Variants in RALGPS2 observed in about 807,000 individuals in gnomAD.
RALGPS2 encodes the protein Ral GEF with PH domain and SH3 binding motif 2.
RALGPS2 carries 43 observed loss-of-function variants against 86.8 expected under a neutral mutation model. That is an observed-to-expected ratio of 0.50 (90% confidence interval 0.39 to 0.64). The LOEUF (loss-of-function observed/expected upper bound fraction) is 0.64. Among genes scored for constraint, RALGPS2 ranks in the 30% least tolerant of loss-of-function variants. The pLI, the probability that RALGPS2 is intolerant of heterozygous loss-of-function variation, is 0.00. For missense variants in RALGPS2, 536 were observed against 694.6 expected (o/e 0.77, Z 2.57); for synonymous variants, 243 against 231.3 (o/e 1.05, Z -0.46).
At chr1:178,811,956 A>G (rs1655005683) in intron 6 of RALGPS2, among the ~76,000 whole-genome samples, 2 of 152,206 alleles carry the variant, frequency 1.3e-5, no homozygotes, top group Admixed American at 1.3e-4. Flanking sequence ...AAAGGATACC[A>G]AGATTTTATT....
In RALGPS2 at chr1:178,886,106, G is replaced by T; in HGVS notation, c.1178G>T (p.Ser393Ile). The T allele has an allele frequency of 6.2e-7, 1 of 1,611,746 alleles. No individual in the cohort carries two copies. The highest frequency in any genetic ancestry group is 8.5e-7 in the Non-Finnish European group (1 of 1,179,394). ...RGQAESSTLS[S>I]GISIGSSDGS... ...CAAGCTGAAAGTTCTACTCTTTCTA[G>T]TGGAATATCAATAGGTGAGAAATAC... The change falls in exon 13 of 20, where the codon AGT becomes ATT. Residue 393 changes from serine (S) to isoleucine (I), a missense_variant. Ser to Ile is a moderately radical substitution (Grantham distance 142, BLOSUM62 -2). Transcript: ENST00000367635.
chr1:178,793,053 A>G (rs779934432), intron 4 of RALGPS2, among the ~76,000 whole-genome samples: 13 of 152,300 alleles, frequency 8.5e-5, no homozygotes, highest in South Asian at 2.1e-4. Context: ...TGGGTGCTCA[A>G]TAAATCCTTA....
In RALGPS2 at chr1:178,815,119, T is replaced by G. The variant is rs1393375628; in HGVS notation, c.387+3715T>G. Among the ~76,000 whole-genome samples the G allele has an allele frequency of 2.6e-5, 4 of 152,132 alleles. No individual in the cohort carries two copies. In the East Asian group the frequency reaches 7.7e-4, roughly 29 times the overall value. ...TTATTTTGATGGATTCTCACTCTGTTGCCCAGGCTGTAGTGCAGTGGTGCA... is the reference window on the plus strand; with the variant it reads ...TTATTTTGATGGATTCTCACTCTGTGGCCCAGGCTGTAGTGCAGTGGTGCA... On this transcript the variant is annotated intron_variant, in intron 6 of 19. Transcript: ENST00000367635.
At chr1:178,764,485 T>C (rs1333753426) in intron 1 of RALGPS2, among the ~76,000 whole-genome samples, 1 of 152,206 alleles carries the variant, frequency 6.6e-6, no homozygotes, top group Non-Finnish European at 1.5e-5. Context: ...TATTGCGATG[T>C]GTGGATTATT....
chr1:178,747,313 A>T, intron 1 of RALGPS2: 1 of 1,531,458 alleles, frequency 6.5e-7, no homozygotes, highest in South Asian at 1.1e-5. Flanking sequence ...CTGGCCAAGT[A>T]GTATAATGAA....
intron 1 of RALGPS2, among the ~76,000 whole-genome samples, chr1:178,739,207 A>C (rs371865685): frequency 1.3e-5 from 2 of 152,198 alleles, no homozygotes; most frequent in African/African-American, 4.8e-5. Context: ...CATTTTGAGG[A>C]TATCTTATGG....
chr1:178,791,533 A>G (rs1373413463), intron 4 of RALGPS2, among the ~76,000 whole-genome samples: 1 of 152,172 alleles, frequency 6.6e-6, no homozygotes, highest in Non-Finnish European at 1.5e-5. Flanking sequence ...TTTGAAGAAT[A>G]TAGATTCTGA....
At chr1:178,836,296 G>A (rs781302173) in intron 8 of RALGPS2, among the ~76,000 whole-genome samples, 2 of 152,146 alleles carry the variant, frequency 1.3e-5, no homozygotes, top group Non-Finnish European at 2.9e-5. Context: ...AAATGTTGAG[G>A]TACAGATGTT....
chr1:178,773,084 G>A (rs138157559), intron 1 of RALGPS2, among the ~76,000 whole-genome samples: 1,820 of 152,304 alleles, frequency 0.012, 55 homozygotes, highest in African/African-American at 0.042. Flanking sequence ...TTACAGGCGT[G>A]AGCCCCTGTA....
rs561442036 is a variant in RALGPS2 at position 178,773,199 on chromosome 1, G to T, written c.-83-3483G>T. Reference sequence around the variant, plus strand: ...CCCTGTCTCTAAAAAAATGTAAACAGTTAGCTGGGCATGGTGGTGCACACC... The same window carrying T: ...CCCTGTCTCTAAAAAAATGTAAACATTTAGCTGGGCATGGTGGTGCACACC... On this transcript the variant is annotated intron_variant, in intron 1 of 19. Coordinates refer to ENST00000367635, the MANE Select transcript of RALGPS2 (RefSeq NM_152663.5). Among the ~76,000 whole-genome samples, 6 of 152,282 alleles carry T rather than the reference G, an allele frequency of 3.9e-5. No homozygotes were observed. In the East Asian group the frequency reaches 1.2e-3, roughly 29 times the overall value.
chr1:178,795,842 C>T (rs1469854291), intron 4 of RALGPS2, among the ~76,000 whole-genome samples: 1 of 152,126 alleles, frequency 6.6e-6, no homozygotes, highest in African/African-American at 2.4e-5. Context: ...TCCAAAGTTC[C>T]AGCATCAGGA....
intron 6 of RALGPS2, among the ~76,000 whole-genome samples, chr1:178,811,717 G>T (rs1268722690): frequency 1.3e-5 from 2 of 152,158 alleles, no homozygotes. Context: ...GGACTATTCT[G>T]CAGGTGATGA....
At chr1:178,726,831 G>C (rs773315647) in intron 1 of RALGPS2, among the ~76,000 whole-genome samples, 3 of 152,164 alleles carry the variant, frequency 2.0e-5, no homozygotes, top group Non-Finnish European at 2.9e-5. Flanking sequence ...ATCGCTGTTA[G>C]ACAGATCATA....
At chr1:178,770,987 G>A (rs763455100) in intron 1 of RALGPS2, among the ~76,000 whole-genome samples, 7 of 150,146 alleles carry the variant, frequency 4.7e-5, no homozygotes, top group Middle Eastern at 3.5e-3. Context: ...TACAGGCGCC[G>A]GCCACCACGC....
rs1330862520 is a variant in RALGPS2, at chr1:178,811,368, A to T, written c.351A>T (p.Arg117Ser). ...TTCATGCTCAAACATTAAAAATTAG[A>T]GCAGAAGTTTTGAGCCACTATATTA... ...EILHAQTLKI[R>S]AEVLSHYIKT... The change falls in exon 6 of 20, where the codon AGA becomes AGT. Residue 117 changes from arginine (R) to serine (S), a missense_variant. Coordinates refer to ENST00000367635, the MANE Select transcript of RALGPS2 (RefSeq NM_152663.5). 2 of 1,550,100 alleles carry T rather than the reference A, an allele frequency of 1.3e-6. No homozygotes were observed. The highest frequency in any genetic ancestry group is 2.9e-5 in the African/African-American group (2 of 69,794).
chr1:178,789,219 T>C (rs979406899), intron 4 of RALGPS2, among the ~76,000 whole-genome samples: 1 of 152,190 alleles, frequency 6.6e-6, no homozygotes, highest in Non-Finnish European at 1.5e-5. Flanking sequence ...AAGCAGCTCT[T>C]TGATACTGCT....
intron 4 of RALGPS2, among the ~76,000 whole-genome samples, chr1:178,803,426 G>T (rs1200333352): frequency 1.4e-5 from 2 of 147,842 alleles, no homozygotes; most frequent in Admixed American, 1.4e-4. Flanking sequence ...AACGAATTCA[G>T]TTACTTAGGG....
intron 8 of RALGPS2, among the ~76,000 whole-genome samples, chr1:178,851,548 TA>T (rs148034387): frequency 0.04 from 6,040 of 152,148 alleles, 161 homozygotes; most frequent in African/African-American, 0.068. Context: ...TGTACTTTTT[TA>T]AAAAGGGGGA....
At chr1:178,753,347 A>C (rs1651779642) in intron 1 of RALGPS2, among the ~76,000 whole-genome samples, 1 of 152,174 alleles carries the variant, frequency 6.6e-6, no homozygotes. Context: ...GGGGTGGGAC[A>C]TGGGCCCTGA....
Sources: allele counts gnomAD v4.1 joint callset (sites outside exome capture counted in the v4.1 genomes callset), GRCh38; gene constraint gnomAD v4.1.1; transcripts MANE v1.5; gene names NCBI Gene and HGNC (gene_info 2026-07-23, HGNC 2026-07-21).